SLC9C1: variants seen among roughly 807,000 people sequenced by gnomAD.
SLC9C1 encodes solute carrier family 9 member C1.
A neutral mutation model predicts 140.9 loss-of-function variants in SLC9C1; 97 were observed. That is an observed-to-expected ratio of 0.69 (90% CI 0.58 to 0.82). The LOEUF (loss-of-function observed/expected upper bound fraction) is 0.82. Among genes scored for constraint, SLC9C1 ranks in the 40% least tolerant of loss-of-function variants. SLC9C1 has a pLI of 0.00. For missense variants in SLC9C1, 1,340 were observed against 1,389.3 expected, an observed-to-expected ratio of 0.96 and a Z score of 0.56; for synonymous variants, 440 against 442.6, an observed-to-expected ratio of 0.99 and a Z score of 0.07.
intron 26 of SLC9C1, among the ~76,000 whole-genome samples, chr3:112,159,408 A>G (rs191004974): frequency 4.6e-5 from 7 of 152,056 alleles, no homozygotes; most frequent in African/African-American, 1.4e-4. Context: ...GTTTTATCCC[A>G]TTGTGGTCAT....
At position 112,185,779 on chromosome 3, in the gene SLC9C1, T is replaced by C. The variant is rs2077525222; in HGVS notation, c.2524-3521A>G. The C allele has an allele frequency of 5.0e-5, 77 of 1,550,224 alleles. No homozygotes were observed. The South Asian group carries it at 9.1e-4, about 18-fold the overall frequency. ...TCCTTCAGGGAGGGCGTCCGCACGATGCGGCTGCGAGAGGGCACCAGACGC... is the reference window on the plus strand; with the variant it reads ...TCCTTCAGGGAGGGCGTCCGCACGACGCGGCTGCGAGAGGGCACCAGACGC... On this transcript the variant is annotated intron_variant, in intron 20 of 28. Coordinates refer to ENST00000305815, the MANE Select transcript of SLC9C1 (RefSeq NM_183061.3).
At chr3:112,238,423 A>G (rs1047754688) in intron 12 of SLC9C1, among the ~76,000 whole-genome samples, 5 of 151,956 alleles carry the variant, frequency 3.3e-5, no homozygotes, top group Non-Finnish European at 7.4e-5. Flanking sequence ...TAGCTTGGAG[A>G]TGTTTGATCA....
chr3:112,179,498 TACA>T, intron 23 of SLC9C1, 30 bp downstream of exon 23: 1 of 1,581,114 alleles, frequency 6.3e-7, no homozygotes, highest in Non-Finnish European at 8.6e-7. Context: ...TTTAACAAAA[TACA>T]ACAAAAGTCA....
At chr3:112,143,583 TG>T (rs1255428316) in intron 28 of SLC9C1, among the ~76,000 whole-genome samples, 1 of 152,224 alleles carries the variant, frequency 6.6e-6, no homozygotes, top group Admixed American at 6.5e-5. Context: ...TTAATGGGGT[TG>T]TTTTTTGCTT....
chr3:112,177,789 G>GT lies in SLC9C1; in HGVS notation c.2919+1741dup, dbSNP rs550137727. Among the ~76,000 whole-genome samples the GT allele has an allele frequency of 2.3e-3, 334 of 144,828 alleles. 6 individuals carry two copies. In the East Asian group the frequency reaches 0.046, roughly 20 times the overall value. On this transcript the variant is annotated intron_variant, in intron 23 of 28. Coordinates refer to ENST00000305815, the MANE Select transcript of SLC9C1 (RefSeq NM_183061.3). ...CTCATATATTTTATTAAGTTTTAGG[G>GT]TTTTTTTTTTATAGCAGATGTGCTG...
At chr3:112,150,805 TATATAAATA>T in intron 28 of SLC9C1, among the ~76,000 whole-genome samples, 1 of 48,802 alleles carries the variant, frequency 2.0e-5, no homozygotes, top group Admixed American at 2.5e-4. Context: ...TATATATATA[TATATAAATA>T]CATATACATA....
chr3:112,257,237 C>T (rs557209343), intron 10 of SLC9C1, among the ~76,000 whole-genome samples: 1 of 152,048 alleles, frequency 6.6e-6, no homozygotes, highest in Admixed American at 6.6e-5. Context: ...GCCCAAATAG[C>T]CAGGGTAATA....
At chr3:112,255,042 A>G (rs1328192901) in intron 10 of SLC9C1, among the ~76,000 whole-genome samples, 1 of 152,216 alleles carries the variant, frequency 6.6e-6, no homozygotes, top group Non-Finnish European at 1.5e-5. Context: ...TAACTATACT[A>G]AATATTAATG....
Position 112,285,321 on chromosome 3 carries a change from C to T in SLC9C1, c.88+1383G>A, listed in dbSNP as rs139518951. Among the ~76,000 whole-genome samples, 232 of 152,192 alleles carry T rather than the reference C, an allele frequency of 1.5e-3. 1 individual carries two copies. The highest frequency in any genetic ancestry group is 5.2e-3 in the African/African-American group (216 of 41,506). ...AGGTATGATCTCGGCTCACTGCAAC[C>T]TTCGCCTCCCAGGCTCGAGCGATCC... On this transcript the variant is annotated intron_variant, in intron 2 of 28. Coordinates refer to ENST00000305815, the MANE Select transcript of SLC9C1 (RefSeq NM_183061.3).
chr3:112,211,115 T>A (rs1198875585), intron 15 of SLC9C1, among the ~76,000 whole-genome samples: 1 of 152,256 alleles, frequency 6.6e-6, no homozygotes, highest in Non-Finnish European at 1.5e-5. Flanking sequence ...GAGCATTTTC[T>A]ATGACTGTAA....
At chr3:112,145,784 G>A (rs1287774003) in intron 28 of SLC9C1, among the ~76,000 whole-genome samples, 1 of 151,906 alleles carries the variant, frequency 6.6e-6, no homozygotes, top group African/African-American at 2.4e-5. Flanking sequence ...CCCACATGTT[G>A]TGGGAGAGAC....
intron 15 of SLC9C1, among the ~76,000 whole-genome samples, chr3:112,213,402 A>G (rs1281713184): frequency 6.6e-6 from 1 of 152,164 alleles, no homozygotes. Context: ...ATTAAAAGAC[A>G]CAGACGGGCA....
Position 112,169,459 on chromosome 3 carries a change from CTT to C in SLC9C1, c.2920-133_2920-132del. On this transcript the variant is annotated intron_variant, in intron 23 of 28. Transcript: ENST00000305815. ...TAAGATTCACATAATAGCATGGAAACTTAGTAAAATGTGTCTATCAATGAAAA... is the reference window on the plus strand; with the variant it reads ...TAAGATTCACATAATAGCATGGAAACAGTAAAATGTGTCTATCAATGAAAA... 4.6e-6 allele frequency: 4 copies of C among 868,890 alleles called. No individual in the cohort carries two copies. In the East Asian group the frequency reaches 1.2e-4, roughly 25 times the overall value. 53.8% of individuals were successfully genotyped at this position (868,890 alleles called of 1,614,324 possible).
Position 112,277,793 on chromosome 3 carries a change from A to ACAGATGC in SLC9C1, c.379_385dup (p.Val129GlyfsTer39), listed in dbSNP as rs778969764. The ACAGATGC allele has an allele frequency of 6.2e-7, 1 of 1,612,774 alleles. No homozygotes were observed. The highest frequency in any genetic ancestry group is 1.3e-5 in the African/African-American group (1 of 74,852). ...GGTAGGCTTCAAAAGTAATTGATTT[A>ACAGATGC]CAGATGCCAGATGCCAAAGAACTAA... On this transcript the variant is annotated frameshift_variant, in exon 5 of 29. Transcript: ENST00000305815. LOFTEE classifies it high-confidence loss of function.
intron 15 of SLC9C1, among the ~76,000 whole-genome samples, chr3:112,215,024 C>A (rs1404339281): frequency 1.3e-5 from 2 of 152,194 alleles, no homozygotes; most frequent in Non-Finnish European, 2.9e-5. Flanking sequence ...ATCAAGTGGG[C>A]TTCATCCCTG....
At chr3:112,293,193 A>G (rs921272943) in intron 1 of SLC9C1, among the ~76,000 whole-genome samples, 38 of 151,976 alleles carry the variant, frequency 2.5e-4, no homozygotes, top group Admixed American at 2.5e-3. Context: ...AGACAGGAGA[A>G]TCAATTGAAG....
chr3:112,148,672 C>T (rs985459619), intron 28 of SLC9C1, among the ~76,000 whole-genome samples: 8 of 152,216 alleles, frequency 5.3e-5, no homozygotes, highest in Non-Finnish European at 1.0e-4. Flanking sequence ...ATACTTGACC[C>T]GTGTTTACTG....
intron 6 of SLC9C1, among the ~76,000 whole-genome samples, chr3:112,272,451 A>C (rs1448359721): frequency 6.6e-6 from 1 of 151,920 alleles, no homozygotes; most frequent in Non-Finnish European, 1.5e-5. Context: ...CTAACTTCAC[A>C]GATTAGTAAC....
intron 13 of SLC9C1, 136 bp from the exon 14 acceptor site, chr3:112,221,361 G>A (rs898761648): frequency 7.5e-5 from 57 of 758,414 alleles, no homozygotes; most frequent in Non-Finnish European, 1.2e-4. Context: ...TATTTCTATG[G>A]AGTTCAGATT....
Sources: allele counts gnomAD v4.1 joint callset (sites outside exome capture counted in the v4.1 genomes callset), GRCh38; gene constraint gnomAD v4.1.1; transcripts MANE v1.5; gene names NCBI Gene and HGNC (gene_info 2026-07-23, HGNC 2026-07-21).